Variants in TNIK observed in about 807,000 individuals in gnomAD.
TNIK encodes the protein TRAF2 and NCK-interacting protein kinase.
In TNIK, 49 loss-of-function variants were observed where a neutral mutation model predicts 191.3. That is an observed-to-expected ratio of 0.26 (90% CI 0.20 to 0.32). The LOEUF is 0.32. Among genes scored for constraint, TNIK ranks in the 10% least tolerant of loss-of-function variants. The pLI is 1.00. For synonymous variants in TNIK, 594 were observed against 600.9 expected (o/e 0.99, Z 0.17); for missense variants, 1,155 against 1,702.3 (o/e 0.68, Z 5.66).
At chr3:171,283,221 G>A (rs1003903290) in intron 2 of TNIK, among the ~76,000 whole-genome samples, 1 of 149,774 alleles carries the variant, frequency 6.7e-6, no homozygotes, top group Admixed American at 6.7e-5. Context: ...CTTGGATTTC[G>A]TGTCTGGAGA....
chr3:171,278,988 C>T lies in TNIK; in HGVS notation c.124-50767G>A, dbSNP rs528444768. 2.0e-5 allele frequency among the ~76,000 whole-genome samples: 3 copies of T among 152,248 alleles called. No homozygotes were observed. In the South Asian group the frequency reaches 6.2e-4, roughly 32 times the overall value. ...ATTATTGATTGGAGCCTGTTGCATA[C>T]CTCAGGCAGGCTGATGAGGAAGCAT... On this transcript the variant is annotated intron_variant, in intron 2 of 32. Transcript: ENST00000436636.
At chr3:171,397,663 TA>T (rs1461605709) in intron 1 of TNIK, among the ~76,000 whole-genome samples, 2 of 152,126 alleles carry the variant, frequency 1.3e-5, no homozygotes, top group African/African-American at 4.8e-5. Flanking sequence ...ACATTTGAAA[TA>T]TAGAGATATC....
At chr3:171,360,669 GGCC>G (rs1190912081) in intron 2 of TNIK, among the ~76,000 whole-genome samples, 1 of 152,192 alleles carries the variant, frequency 6.6e-6, no homozygotes, top group Non-Finnish European at 1.5e-5. Context: ...TATTGACCCT[GGCC>G]CAGGCCATCA....
At chr3:171,294,070 CAA>C (rs34325946) in intron 2 of TNIK, among the ~76,000 whole-genome samples, 1 of 151,338 alleles carries the variant, frequency 6.6e-6, no homozygotes, top group Non-Finnish European at 1.5e-5. Flanking sequence ...ACTAAAAATA[CAA>C]AAAAAAATTA....
At chr3:171,141,989 C>T (rs1730907892) in intron 12 of TNIK, among the ~76,000 whole-genome samples, 1 of 152,186 alleles carries the variant, frequency 6.6e-6, no homozygotes, top group Admixed American at 6.5e-5. Context: ...CCCAGCTAAA[C>T]CAACCACAGA....
chr3:171,389,753 T>C (rs544911131), intron 1 of TNIK, among the ~76,000 whole-genome samples: 1 of 152,288 alleles, frequency 6.6e-6, no homozygotes, highest in South Asian at 2.1e-4. Context: ...CCTACCAGCA[T>C]GTACTTAGGG....
chr3:171,116,324 A>G (rs1461816913), intron 18 of TNIK, among the ~76,000 whole-genome samples: 1 of 152,238 alleles, frequency 6.6e-6, no homozygotes, highest in Non-Finnish European at 1.5e-5. Flanking sequence ...AACTGAGCCT[A>G]TTCAGATCCG....
intron 2 of TNIK, among the ~76,000 whole-genome samples, chr3:171,356,197 A>G (rs538517491): frequency 2.0e-5 from 3 of 152,224 alleles, no homozygotes; most frequent in Admixed American, 2.0e-4. Context: ...AAAAAAAATC[A>G]TAATGCACCT....
chr3:171,279,215 A>G (rs1162913423), intron 2 of TNIK, among the ~76,000 whole-genome samples: 1 of 152,192 alleles, frequency 6.6e-6, no homozygotes, highest in Non-Finnish European at 1.5e-5. Context: ...AAACTAAAAC[A>G]AAAGTCATCT....
chr3:171,299,733 C>G (rs1177240049), intron 2 of TNIK, among the ~76,000 whole-genome samples: 2 of 152,146 alleles, frequency 1.3e-5, no homozygotes, highest in African/African-American at 4.8e-5. Flanking sequence ...ATCAAGTTTA[C>G]AAACTGAGTT....
At chr3:171,223,841 C>T (rs569401245) in intron 3 of TNIK, among the ~76,000 whole-genome samples, 82 of 152,272 alleles carry the variant, frequency 5.4e-4, no homozygotes, top group South Asian at 1.5e-3. Flanking sequence ...TTTGAACACA[C>T]TCACTATAAT....
intron 1 of TNIK, among the ~76,000 whole-genome samples, chr3:171,401,213 G>A (rs545229453): frequency 2.0e-5 from 3 of 152,240 alleles, no homozygotes; most frequent in Non-Finnish European, 4.4e-5. Flanking sequence ...GAATGAAAGA[G>A]GTACTTTGTC....
chr3:171,086,728 ATCCAAC>A (rs1374751017), intron 24 of TNIK, among the ~76,000 whole-genome samples: 1 of 152,222 alleles, frequency 6.6e-6, no homozygotes, highest in Non-Finnish European at 1.5e-5. Flanking sequence ...CTGTGAACTC[ATCCAAC>A]TGGTGTCAGT....
At chr3:171,344,981 T>C (rs962318811) in intron 2 of TNIK, among the ~76,000 whole-genome samples, 1 of 152,118 alleles carries the variant, frequency 6.6e-6, no homozygotes. Context: ...CTATCAACAC[T>C]TACCCTAAAT....
At chr3:171,378,445 A>G (rs1717563418) in intron 1 of TNIK, among the ~76,000 whole-genome samples, 1 of 152,190 alleles carries the variant, frequency 6.6e-6, no homozygotes. Context: ...ATAATAATTA[A>G]TATATATAAA....
At chr3:171,283,457 G>C (rs946162577) in intron 2 of TNIK, among the ~76,000 whole-genome samples, 3 of 152,118 alleles carry the variant, frequency 2.0e-5, no homozygotes, top group African/African-American at 7.2e-5. Flanking sequence ...TTCAAACTTT[G>C]GTGCTAAAGC....
chr3:171,379,242 A>T (rs986247333), intron 1 of TNIK, among the ~76,000 whole-genome samples: 3 of 152,222 alleles, frequency 2.0e-5, no homozygotes, highest in Non-Finnish European at 4.4e-5. Context: ...GTTCAAAATT[A>T]TTTCCTTACA....
At chr3:171,201,812 C>CTATA (rs1553854450) in intron 4 of TNIK, among the ~76,000 whole-genome samples, 2 of 152,102 alleles carry the variant, frequency 1.3e-5, no homozygotes, top group African/African-American at 4.8e-5. Context: ...ATCTATCTAT[C>CTATA]TATATATAAA....
At chr3:171,141,998 G>T (rs1730908803) in intron 12 of TNIK, among the ~76,000 whole-genome samples, 1 of 152,198 alleles carries the variant, frequency 6.6e-6, no homozygotes, top group Admixed American at 6.5e-5. Flanking sequence ...ACCAACCACA[G>T]ATATTCAGAA....
Sources: allele counts gnomAD v4.1 joint callset (sites outside exome capture counted in the v4.1 genomes callset), GRCh38; gene constraint gnomAD v4.1.1; transcripts MANE v1.5; gene names NCBI Gene and HGNC (gene_info 2026-07-23, HGNC 2026-07-21).